ENPP4: variants seen among roughly 807,000 people sequenced by gnomAD.
ENPP4 encodes the protein bis(5'-adenosyl)-triphosphatase ENPP4.
In ENPP4, 18 loss-of-function variants were observed where a neutral mutation model predicts 33.4. That is an observed-to-expected ratio of 0.54 (90% CI 0.37 to 0.80). ENPP4 has a LOEUF of 0.80. ENPP4 is among the 30% of genes least tolerant of loss of function. The pLI, the probability that ENPP4 is intolerant of heterozygous loss-of-function variation, is 0.00. For synonymous variants in ENPP4, 172 were observed against 189.9 expected (o/e 0.91, Z 0.78); for missense variants, 480 against 541.7 (o/e 0.89, Z 1.13).
rs1323861691 is a variant in ENPP4, at chr6:46,146,641, G to A, written c.*3001G>A. On this transcript the variant is annotated 3_prime_UTR_variant, in exon 4 of 4. Coordinates refer to ENST00000321037, the MANE Select transcript of ENPP4 (RefSeq NM_014936.5). ...TTTGTTCATGATTTTTAAAATGTGT[G>A]TGAATAAAATCTACCAAAAAATTCT... 1 of 151,932 alleles carries A rather than the reference G, an allele frequency of 6.6e-6. No individual in the cohort carries two copies. The highest frequency in any genetic ancestry group is 1.5e-5 in the Non-Finnish European group (1 of 67,878). 9.4% of individuals were successfully genotyped at this position (151,932 alleles called of 1,614,324 possible).
At position 46,143,569 on chromosome 6, in the gene ENPP4, A is replaced by T; in HGVS notation, c.1291A>T (p.Arg431Ter). 6.2e-7 allele frequency: 1 copy of T among 1,612,404 alleles called. No homozygotes were observed. Among genetic ancestry groups the T allele is most frequent in the South Asian group, 1.1e-5 (1 of 91,036 alleles). Residue 431 changes from arginine to a stop codon, truncating the protein, a stop_gained, in exon 4 of 4, where the codon AGA becomes TGA. Transcript: ENST00000321037. LOFTEE classifies it high-confidence loss of function. ...ATGCCTCATAATAATCATGCAGAATAGACTTTCTGTACCTCGTCCATTTTC... is the reference window on the plus strand; with the variant it reads ...ATGCCTCATAATAATCATGCAGAATTGACTTTCTGTACCTCGTCCATTTTC... ...LTCLIIIMQN[R>*]LSVPRPFSRL... is the part of the protein sequence containing the mutation.
rs552318391 is a variant in ENPP4, at chr6:46,146,594, A to T, written c.*2954A>T. On this transcript the variant is annotated 3_prime_UTR_variant, in exon 4 of 4. Coordinates refer to ENST00000321037, the MANE Select transcript of ENPP4 (RefSeq NM_014936.5). ...TTAAATTAAAATATTTTTGACTGTT[A>T]CTTGAGTTCAGAATTAATGACTTTG... The T allele has an allele frequency of 1.4e-4, 21 of 152,316 alleles. No individual in the cohort carries two copies. Among genetic ancestry groups the T allele is most frequent in the African/African-American group, 4.8e-4 (20 of 41,542 alleles). 9.4% of individuals were successfully genotyped at this position (152,316 alleles called of 1,614,324 possible). A position where few individuals can be genotyped will look rare whatever the true frequency, so the allele number is the denominator to read the frequency against.
chr6:46,137,933 TGAAA>T (rs34806111), intron 1 of ENPP4, among the ~76,000 whole-genome samples: 47,467 of 151,324 alleles, frequency 0.31, 7,820 homozygotes, highest in Middle Eastern at 0.43. Context: ...GTGGCATGTT[TGAAA>T]GAAAGAGAGA....
At position 46,139,620 on chromosome 6, in the gene ENPP4, A is replaced by AT. The variant is rs1350721894; in HGVS notation, c.38dup (p.Thr14AsnfsTer4). ...AGTAATACTTTTGTTTTCTGGACTT[A>AT]TAACTGGTTTTAGAAGTGACTCTTC... On this transcript the variant is annotated frameshift_variant, in exon 2 of 4. Transcript: ENST00000321037. LOFTEE classifies it high-confidence loss of function. 6.2e-7 allele frequency: 1 copy of AT among 1,607,364 alleles called. No individual in the cohort carries two copies. The highest frequency in any genetic ancestry group is 2.2e-5 in the East Asian group (1 of 44,800).
intron 1 of ENPP4, among the ~76,000 whole-genome samples, chr6:46,133,074 T>C (rs1193510722): frequency 6.6e-6 from 1 of 152,188 alleles, no homozygotes; most frequent in Non-Finnish European, 1.5e-5. Context: ...GTTTTCTAGA[T>C]ATACAATCAT....
rs1764032482 is a variant in ENPP4, at chr6:46,139,979, T to C, written c.396T>C (p.Ala132=). The C allele has an allele frequency of 6.2e-7, 1 of 1,612,924 alleles. No homozygotes were observed. Among genetic ancestry groups the C allele is most frequent in the Non-Finnish European group, 8.5e-7 (1 of 1,179,144 alleles). Residue 132 remains alanine (A), a synonymous_variant, in exon 2 of 4, where the codon GCT becomes GCC. Transcript: ENST00000321037. ...AGCTTCAGGAAAACAGATCAAGTGC[T>C]GCTGCTATGTGGCCTGGTACTGATG... ...TNQLQENRSS[A]AAMWPGTDVP...
At chr6:46,131,082 C>T (rs1486227908) in intron 1 of ENPP4, among the ~76,000 whole-genome samples, 1 of 152,026 alleles carries the variant, frequency 6.6e-6, no homozygotes, top group Non-Finnish European at 1.5e-5. Flanking sequence ...TTCCCCCCAC[C>T]TCCACTTAAA....
At chr6:46,140,671 T>G (rs774076153) in intron 2 of ENPP4, among the ~76,000 whole-genome samples, 4 of 151,716 alleles carry the variant, frequency 2.6e-5, no homozygotes, top group Non-Finnish European at 5.9e-5. Context: ...AAAAGGAAAT[T>G]TTTATCCTTA....
intron 1 of ENPP4, among the ~76,000 whole-genome samples, chr6:46,133,739 A>T (rs1404423172): frequency 6.6e-6 from 1 of 152,168 alleles, no homozygotes; most frequent in Non-Finnish European, 1.5e-5. Flanking sequence ...CATTCCCTGC[A>T]AACTTTATTT....
intron 1 of ENPP4, among the ~76,000 whole-genome samples, chr6:46,135,309 A>C (rs551841106): frequency 6.6e-6 from 1 of 152,208 alleles, no homozygotes; most frequent in South Asian, 2.1e-4. Context: ...CAGTTTATAA[A>C]GGTTTCAATT....
chr6:46,133,894 G>C (rs1763938673), intron 1 of ENPP4, among the ~76,000 whole-genome samples: 1 of 152,114 alleles, frequency 6.6e-6, no homozygotes. Flanking sequence ...TCTGTTAATA[G>C]TTTGGAGATT....
chr6:46,141,023 T>G (rs1443386293), intron 2 of ENPP4, 29 bp from the exon 3 acceptor site: 2 of 1,486,810 alleles, frequency 1.3e-6, no homozygotes. Context: ...CATAACTTGT[T>G]TCCTTTGCTG....
intron 1 of ENPP4, among the ~76,000 whole-genome samples, chr6:46,134,701 T>C (rs978408431): frequency 6.6e-6 from 1 of 152,086 alleles, no homozygotes; most frequent in Non-Finnish European, 1.5e-5. Flanking sequence ...AAAAATAATA[T>C]TTTATTGAGA....
intron 3 of ENPP4, among the ~76,000 whole-genome samples, chr6:46,141,924 T>C (rs917064892): frequency 4.6e-5 from 7 of 151,638 alleles, no homozygotes; most frequent in Non-Finnish European, 5.9e-5. Context: ...GGTCTCTGTC[T>C]CAGCTACTCT....
At position 46,139,673 on chromosome 6, in the gene ENPP4, A is replaced by G. The variant is rs1395251272; in HGVS notation, c.90A>G (p.Leu30=). The change falls in exon 2 of 4, where the codon CTA becomes CTG. Residue 30 remains leucine (L), a synonymous_variant. Transcript: ENST00000321037. Reference sequence around the variant, plus strand: ...CTAGTTTGCCACCTAAGTTACTACTAGTATCCTTTGATGGCTTCAGAGCTG... The same window carrying G: ...CTAGTTTGCCACCTAAGTTACTACTGGTATCCTTTGATGGCTTCAGAGCTG... ...SSSSLPPKLL[L]VSFDGFRADY... 3.1e-6 allele frequency: 5 copies of G among 1,610,608 alleles called. No homozygotes were observed. Among genetic ancestry groups the G allele is most frequent in the South Asian group, 2.2e-5 (2 of 90,990 alleles).
rs1296090936 is a variant in ENPP4, at chr6:46,144,601, T to G, written c.*961T>G. 5.1e-6 allele frequency: 1 copy of G among 197,390 alleles called. No individual in the cohort carries two copies. The highest frequency in any genetic ancestry group is 1.0e-5 in the Non-Finnish European group (1 of 98,512). 12.2% of individuals were successfully genotyped at this position (197,390 alleles called of 1,614,324 possible). On this transcript the variant is annotated 3_prime_UTR_variant, in exon 4 of 4. Coordinates refer to ENST00000321037, the MANE Select transcript of ENPP4 (RefSeq NM_014936.5). ...AAATCATAACTTAATTTCATTAACT[T>G]TTATCATTTAACTCTCTCATGTTTG...
Position 46,146,372 on chromosome 6 carries a change from C to T in ENPP4, c.*2732C>T, listed in dbSNP as rs1209648991. 6.6e-6 allele frequency: 1 copy of T among 152,146 alleles called. No individual in the cohort carries two copies. Among genetic ancestry groups the T allele is most frequent in the African/African-American group, 2.4e-5 (1 of 41,352 alleles). The allele number at this position is 152,146 out of a possible 1,614,324, so 9.4% of individuals were successfully genotyped here. A position where few individuals can be genotyped will look rare whatever the true frequency, so the allele number is the denominator to read the frequency against. On this transcript the variant is annotated 3_prime_UTR_variant, in exon 4 of 4. Coordinates refer to ENST00000321037, the MANE Select transcript of ENPP4 (RefSeq NM_014936.5). ...TTTTTGGGTGTCTCCTTCTTGTGCC[C>T]ATATCTGATAAGCTTTATGGATTAT...
chr6:46,140,402 C>G lies in ENPP4; in HGVS notation c.819C>G (p.Pro273=). The change falls in exon 2 of 4, where the codon CCC becomes CCG. Residue 273 remains proline (P), a synonymous_variant. Transcript: ENST00000321037. ...IDLSPVAAIL[P]KINRTEVYNK... ...TGAGCCCAGTTGCTGCAATACTTCC[C>G]AAAATAAGTAAGTAAACATTCAACT... The G allele has an allele frequency of 6.5e-7, 1 of 1,535,264 alleles. No individual in the cohort carries two copies. The highest frequency in any genetic ancestry group is 8.8e-7 in the Non-Finnish European group (1 of 1,139,788).
chr6:46,140,308 A>C lies in ENPP4; in HGVS notation c.725A>C (p.Gln242Pro), dbSNP rs1764038573. The C allele has an allele frequency of 6.2e-7, 1 of 1,612,312 alleles. No individual in the cohort carries two copies. Among genetic ancestry groups the C allele is most frequent in the African/African-American group, 1.3e-5 (1 of 74,794 alleles). Residue 242 changes from glutamine (Q) to proline (P), a missense_variant, in exon 2 of 4, where the codon CAG (glutamine) becomes CCG (proline). Coordinates refer to ENST00000321037, the MANE Select transcript of ENPP4 (RefSeq NM_014936.5). ...VIITSDHGMTQCSQDRLINLD... is the reference protein window; with the variant it reads ...VIITSDHGMTPCSQDRLINLD... ...ATTACAAGTGATCATGGGATGACCC[A>C]GTGTTCTCAGGACAGACTGATAAAC...
Sources: gnomAD v4.1 joint callset for allele counts (sites outside exome capture counted in the v4.1 genomes callset) on GRCh38, gnomAD v4.1.1 for gene constraint, MANE v1.5 for transcripts, NCBI Gene and HGNC (gene_info 2026-07-23, HGNC 2026-07-21) for gene names.